KANSL3: variants seen among roughly 807,000 people sequenced by gnomAD.
KANSL3 encodes the protein NSL complex protein NSL3.
In KANSL3, 16 loss-of-function variants were observed where a neutral mutation model predicts 89.2. That is an observed-to-expected ratio of 0.18 (90% confidence interval 0.12 to 0.27). KANSL3 has a LOEUF of 0.27. Among genes scored for constraint, KANSL3 ranks in the 10% least tolerant of loss-of-function variants. KANSL3 has a pLI of 1.00. For missense variants in KANSL3, 879 were observed against 1,110.6 expected (o/e 0.79, Z 2.96); for synonymous variants, 385 against 419.7 (o/e 0.92, Z 1.01).
At chr2:96,600,354 A>G (rs2067004626) in intron 20 of KANSL3, 1 of 747,784 alleles carries the variant, frequency 1.3e-6, no homozygotes, top group Admixed American at 6.3e-5. Context: ...TTATTTCTAT[A>G]ATGTTTGAAT....
At chr2:96,625,380 T>C (rs956354242) in intron 3 of KANSL3, among the ~76,000 whole-genome samples, 2 of 152,242 alleles carry the variant, frequency 1.3e-5, no homozygotes, top group African/African-American at 2.4e-5. Flanking sequence ...CAATTTTTCA[T>C]GTTCAACAAT....
At chr2:96,615,615 G>A in intron 5 of KANSL3, 1 of 804,054 alleles carries the variant, frequency 1.2e-6, no homozygotes. Context: ...TGAAAAATTG[G>A]AGAATAAAAA....
At chr2:96,624,693 T>C (rs1202414265) in intron 3 of KANSL3, among the ~76,000 whole-genome samples, 1 of 152,040 alleles carries the variant, frequency 6.6e-6, no homozygotes, top group Non-Finnish European at 1.5e-5. Context: ...AGCTAATTTT[T>C]ATATTTTTAG....
In KANSL3 at chr2:96,631,323, C is replaced by G. The variant is rs201841925; in HGVS notation, c.375G>C (p.Glu125Asp). Reference sequence around the variant, plus strand: ...GATGAGCAGCCTACCTGTTGACATGCTCCTCCCAGTCCTCTGGTGGAGGAG... The same window carrying G: ...GATGAGCAGCCTACCTGTTGACATGGTCCTCCCAGTCCTCTGGTGGAGGAG... The part of the protein sequence containing the change: ...DAPPPPEDWE[E>D]HVNRTGWTMA... Residue 125 changes from glutamate (E) to aspartate (D), a missense_variant, in exon 3 of 21, where the codon GAG becomes GAC. Glu to Asp is a conservative substitution (Grantham distance 45, BLOSUM62 2). Transcript: ENST00000431828. The G allele has an allele frequency of 6.2e-7, 1 of 1,612,996 alleles. No homozygotes were observed. Among genetic ancestry groups the G allele is most frequent in the Non-Finnish European group, 8.5e-7 (1 of 1,179,232 alleles).
At chr2:96,605,660 G>A (rs2067870237) in intron 14 of KANSL3, 149 bp from the exon 15 acceptor site, 2 of 625,766 alleles carry the variant, frequency 3.2e-6, no homozygotes, top group South Asian at 2.1e-5. Flanking sequence ...AAAGGAGACT[G>A]CCCATGCTTC....
Position 96,631,346 on chromosome 2 carries a change from G to A in KANSL3, c.352C>T (p.Pro118Ser), listed in dbSNP as rs774457198. The A allele has an allele frequency of 3.7e-5, 59 of 1,613,396 alleles. No homozygotes were observed. The highest frequency in any genetic ancestry group is 4.9e-5 in the Non-Finnish European group (58 of 1,179,742). The change falls in exon 3 of 21, where the codon CCT becomes TCT. Residue 118 changes from proline (P) to serine (S), a missense_variant. Physicochemically the swap from Pro to Ser is moderately conservative, Grantham distance 74. Transcript: ENST00000431828. Reference sequence around the variant, plus strand: ...TGCTCCTCCCAGTCCTCTGGTGGAGGAGGGGCATCTGCATCAGTCCTGGCA... The same window carrying A: ...TGCTCCTCCCAGTCCTCTGGTGGAGAAGGGGCATCTGCATCAGTCCTGGCA... ...IFARTDADAPPPPEDWEEHVN... is the reference protein window; with the variant it reads ...IFARTDADAPSPPEDWEEHVN...
At chr2:96,582,917 C>T in the KANSL3 span, among the ~76,000 whole-genome samples, 1 of 152,214 alleles carries the variant, frequency 6.6e-6, no homozygotes, top group East Asian at 1.9e-4. Flanking sequence ...AAGTCTAACA[C>T]ACACATGTGT....
chr2:96,580,913 C>T, the KANSL3 span, among the ~76,000 whole-genome samples: 2 of 152,186 alleles, frequency 1.3e-5, no homozygotes, highest in African/African-American at 4.8e-5. Flanking sequence ...GAAGCAGTAG[C>T]AAGAACTCAG....
intron 20 of KANSL3, among the ~76,000 whole-genome samples, chr2:96,598,455 T>C (rs1208001645): frequency 1.3e-5 from 2 of 152,222 alleles, no homozygotes; most frequent in East Asian, 3.8e-4. Flanking sequence ...TTTGAAATGC[T>C]TAGCTTCTTT....
At chr2:96,597,881 G>A (rs939432920) in intron 20 of KANSL3, among the ~76,000 whole-genome samples, 2 of 152,154 alleles carry the variant, frequency 1.3e-5, no homozygotes, top group Admixed American at 1.3e-4. Context: ...GATTACAGGC[G>A]TGAACCACCA....
chr2:96,631,644 A>C, intron 2 of KANSL3, 162 bp from the exon 3 acceptor site: 1 of 796,922 alleles, frequency 1.3e-6, no homozygotes, highest in Non-Finnish European at 2.1e-6. Context: ...TCTTTCCCAC[A>C]CTTGTCTAGA....
chr2:96,616,181 C>T (rs752230839), intron 5 of KANSL3, among the ~76,000 whole-genome samples: 1 of 152,200 alleles, frequency 6.6e-6, no homozygotes, highest in Admixed American at 6.5e-5. Flanking sequence ...TAGGACCAAA[C>T]CGCAAAGGAT....
intron 7 of KANSL3, 127 bp downstream of exon 7, chr2:96,612,691 A>G (rs1346453198): frequency 1.8e-6 from 2 of 1,103,342 alleles, no homozygotes; most frequent in African/African-American, 3.1e-5. Flanking sequence ...GCTCCACATG[A>G]AAGAAGGGTT....
chr2:96,595,483 G>T lies in KANSL3; in HGVS notation c.*128C>A. 2.2e-6 allele frequency: 2 copies of T among 907,074 alleles called. No individual in the cohort carries two copies. The highest frequency in any genetic ancestry group is 1.7e-5 in the South Asian group (1 of 57,618). 56.2% of individuals were successfully genotyped at this position (907,074 alleles called of 1,614,324 possible). A position where few individuals can be genotyped will look rare whatever the true frequency, so the allele number is the denominator to read the frequency against. ...TTTCTCTGAAGACAGTTGGCGGAGAGGCAAAAATGACTGTCTTAAACAGGT... is the reference window on the plus strand; with the variant it reads ...TTTCTCTGAAGACAGTTGGCGGAGATGCAAAAATGACTGTCTTAAACAGGT... On this transcript the variant is annotated 3_prime_UTR_variant, in exon 21 of 21. Coordinates refer to ENST00000431828, the MANE Select transcript of KANSL3 (RefSeq NM_001115016.3).
intron 6 of KANSL3, 59 bp from the exon 7 acceptor site, chr2:96,612,993 T>C: frequency 8.7e-7 from 1 of 1,147,850 alleles, no homozygotes; most frequent in Non-Finnish European, 1.3e-6. Flanking sequence ...TTCATGAAAT[T>C]CCAAGTATCC....
downstream of KANSL3, among the ~76,000 whole-genome samples, chr2:96,588,297 CTG>C (rs2066254583): frequency 6.6e-6 from 1 of 152,154 alleles, no homozygotes; most frequent in African/African-American, 2.4e-5. Flanking sequence ...TTGAATGACA[CTG>C]AATATCTCAT....
chr2:96,605,516 G>T lies in KANSL3; in HGVS notation c.1742-5C>A. ...GTGGTTCTGATGAAATGGGAACTAA[G>T]ACATGGAGCTGAGTTGAGATCCTCC... On this transcript the variant is annotated splice_region_variant and splice_polypyrimidine_tract_variant and intron_variant, in intron 14 of 20. Transcript: ENST00000431828. 1 of 1,611,664 alleles carries T rather than the reference G, an allele frequency of 6.2e-7. No homozygotes were observed. Among genetic ancestry groups the T allele is most frequent in the South Asian group, 1.1e-5 (1 of 90,928 alleles).
At chr2:96,635,744 T>C (rs1456042141) in intron 2 of KANSL3, among the ~76,000 whole-genome samples, 1 of 152,142 alleles carries the variant, frequency 6.6e-6, no homozygotes, top group African/African-American at 2.4e-5. Context: ...ATCCCAGCAT[T>C]TTGGGAGGCC....
At position 96,602,882 on chromosome 2, in the gene KANSL3, G is replaced by A. The variant is rs529849459; in HGVS notation, c.2150-20C>T. On this transcript the variant is annotated intron_variant, in intron 17 of 20. Coordinates refer to ENST00000431828, the MANE Select transcript of KANSL3 (RefSeq NM_001115016.3). The stretch of plus-strand genomic sequence containing the variant: ...TGGCCCCTAAGAGAGGACATAGCAG[G>A]AATCAGTAGAGACTCAATCACTTGC... 1 of 1,608,440 alleles carries A rather than the reference G, an allele frequency of 6.2e-7. No individual in the cohort carries two copies. Among genetic ancestry groups the A allele is most frequent in the South Asian group, 1.1e-5 (1 of 90,978 alleles).
Sources: gnomAD v4.1 joint callset for allele counts (sites outside exome capture counted in the v4.1 genomes callset) on GRCh38, gnomAD v4.1.1 for gene constraint, MANE v1.5 for transcripts, NCBI Gene and HGNC (gene_info 2026-07-23, HGNC 2026-07-21) for gene names.